MAP3K5: variants seen among roughly 807,000 people sequenced by gnomAD.
The protein encoded by MAP3K5 is mitogen-activated protein kinase kinase kinase 5, also known as ASK-1.
A neutral mutation model predicts 158.7 loss-of-function variants in MAP3K5; 56 were observed. The observed-to-expected ratio is 0.35, with a 90% CI of 0.28 to 0.44. The LOEUF is 0.44. Ranked by LOEUF, MAP3K5 falls within the 20% of genes least tolerant of loss-of-function variation. The pLI is 1.00. For missense variants in MAP3K5, 1,294 were observed against 1,674.8 expected, an observed-to-expected ratio of 0.77 and a Z score of 3.97; for synonymous variants, 579 against 601.7, an observed-to-expected ratio of 0.96 and a Z score of 0.55.
Position 136,622,674 on chromosome 6 carries a change from C to G in MAP3K5, c.2150+174G>C, listed in dbSNP as rs376386050. Among the ~76,000 whole-genome samples, 19 of 152,330 alleles carry G rather than the reference C, an allele frequency of 1.2e-4. No homozygotes were observed. The South Asian group carries it at 3.5e-3, about 28-fold the overall frequency. ...TCTTTGAAAGCCCCGTTCTTCCCCA[C>G]CAGTCTGGCACTTCAAACACTGAAT... On this transcript the variant is annotated intron_variant, in intron 15 of 29. Transcript: ENST00000359015.
chr6:136,730,128 A>G (rs1311715429), intron 1 of MAP3K5, among the ~76,000 whole-genome samples: 1 of 148,858 alleles, frequency 6.7e-6, no homozygotes, highest in African/African-American at 2.5e-5. Context: ...ACACGCCACC[A>G]TACCTGTTTT....
chr6:136,591,139 T>C (rs954770500), intron 23 of MAP3K5, among the ~76,000 whole-genome samples: 2 of 152,244 alleles, frequency 1.3e-5, no homozygotes, highest in Non-Finnish European at 2.9e-5. Flanking sequence ...CCTTCCACCA[T>C]GATTGTGAGG....
At chr6:136,558,761 G>T in intron 29 of MAP3K5, 39 bp downstream of exon 29, 2 of 1,275,180 alleles carry the variant, frequency 1.6e-6, no homozygotes, top group Non-Finnish European at 2.3e-6. Flanking sequence ...TATTTGCCTG[G>T]TGCTCTTTCC....
At chr6:136,754,558 T>C (rs1783382681) in intron 1 of MAP3K5, among the ~76,000 whole-genome samples, 1 of 149,612 alleles carries the variant, frequency 6.7e-6, no homozygotes, top group African/African-American at 2.5e-5. Context: ...CACTCCAGCC[T>C]GGGCAACAGA....
intron 1 of MAP3K5, among the ~76,000 whole-genome samples, chr6:136,731,069 A>G (rs1490452240): frequency 1.3e-5 from 2 of 152,208 alleles, no homozygotes; most frequent in Non-Finnish European, 2.9e-5. Flanking sequence ...ACAAAGGACT[A>G]GGCACCGTGT....
chr6:136,629,601 C>T (rs1777221855), intron 14 of MAP3K5, among the ~76,000 whole-genome samples: 1 of 151,838 alleles, frequency 6.6e-6, no homozygotes, highest in African/African-American at 2.4e-5. Flanking sequence ...ACTACAGGTG[C>T]CCGCCACCAC....
chr6:136,728,442 A>G (rs1437252569), intron 1 of MAP3K5, among the ~76,000 whole-genome samples: 1 of 152,200 alleles, frequency 6.6e-6, no homozygotes, highest in Non-Finnish European at 1.5e-5. Context: ...CCTGTTATAC[A>G]GCTAGGAATG....
intron 8 of MAP3K5, among the ~76,000 whole-genome samples, chr6:136,662,108 A>C (rs1325785487): frequency 6.6e-6 from 1 of 152,150 alleles, no homozygotes; most frequent in African/African-American, 2.4e-5. Flanking sequence ...TTGCTCAATT[A>C]TTTCTTTATA....
At chr6:136,683,563 G>T (rs545894470) in intron 7 of MAP3K5, among the ~76,000 whole-genome samples, 1 of 152,320 alleles carries the variant, frequency 6.6e-6, no homozygotes, top group African/African-American at 2.4e-5. Flanking sequence ...ACTTTCTTAT[G>T]ATTAAATCCA....
chr6:136,788,929 T>C (rs1318847344), intron 1 of MAP3K5, among the ~76,000 whole-genome samples: 2 of 152,234 alleles, frequency 1.3e-5, no homozygotes, highest in Non-Finnish European at 2.9e-5. Context: ...TAAATTGTTC[T>C]ACCAAAAAGA....
chr6:136,721,684 C>A (rs1781752251), intron 1 of MAP3K5, among the ~76,000 whole-genome samples: 1 of 152,080 alleles, frequency 6.6e-6, no homozygotes, highest in African/African-American at 2.4e-5. Context: ...GAACATGCTC[C>A]AAGTACATTA....
At chr6:136,676,773 G>A (rs368501925) in intron 7 of MAP3K5, among the ~76,000 whole-genome samples, 1 of 143,946 alleles carries the variant, frequency 6.9e-6, no homozygotes, top group Non-Finnish European at 1.5e-5. Flanking sequence ...TTATCATTTT[G>A]TTAATTTTTC....
intron 10 of MAP3K5, among the ~76,000 whole-genome samples, chr6:136,653,866 A>G (rs1778627919): frequency 6.6e-6 from 1 of 152,152 alleles, no homozygotes; most frequent in Non-Finnish European, 1.5e-5. Context: ...AAATTGTACA[A>G]TTTTGTCCTC....
Position 136,772,605 on chromosome 6 carries a change from C to A in MAP3K5, c.448+19105G>T, listed in dbSNP as rs371718571. On this transcript the variant is annotated intron_variant, in intron 1 of 29. Transcript: ENST00000359015. ...GTAATCTACTGACAGCAGCCCTCCA[C>A]TGAGGAGGGGTTAGGAAGCTTAAGA... 1.1e-4 allele frequency among the ~76,000 whole-genome samples: 16 copies of A among 152,182 alleles called. No homozygotes were observed. In the East Asian group the frequency reaches 3.1e-3, roughly 29 times the overall value.
intron 23 of MAP3K5, among the ~76,000 whole-genome samples, chr6:136,591,322 G>T (rs560960370): frequency 3.5e-4 from 54 of 152,344 alleles, no homozygotes; most frequent in Non-Finnish European, 6.9e-4. Context: ...GTCTCAGTGT[G>T]GGTGTGTGTG....
intron 14 of MAP3K5, among the ~76,000 whole-genome samples, chr6:136,624,683 G>A (rs1217001320): frequency 4.6e-5 from 7 of 151,858 alleles, no homozygotes; most frequent in Admixed American, 1.3e-4. Context: ...GGGTTAAAAA[G>A]GAAATGACCA....
intron 7 of MAP3K5, among the ~76,000 whole-genome samples, chr6:136,671,406 T>C (rs1357048731): frequency 6.6e-6 from 1 of 152,310 alleles, no homozygotes; most frequent in Middle Eastern, 3.4e-3. Flanking sequence ...CCTCAATCCA[T>C]GAGACTAAAT....
chr6:136,716,865 T>G (rs4896216), intron 2 of MAP3K5, among the ~76,000 whole-genome samples: 79,657 of 151,932 alleles, frequency 0.52, 21,293 homozygotes, highest in African/African-American at 0.63. Flanking sequence ...CTAAAGAAAA[T>G]AAAAAGAATT....
At chr6:136,772,161 C>T (rs543227661) in intron 1 of MAP3K5, among the ~76,000 whole-genome samples, 5 of 150,614 alleles carry the variant, frequency 3.3e-5, no homozygotes, top group South Asian at 2.1e-4. Flanking sequence ...AGGTGATCTG[C>T]GCCCCTCGGC....
Sources: allele counts gnomAD v4.1 joint callset (sites outside exome capture counted in the v4.1 genomes callset), GRCh38; gene constraint gnomAD v4.1.1; transcripts MANE v1.5; gene names NCBI Gene and HGNC (gene_info 2026-07-23, HGNC 2026-07-21).